Variants in PTPRU observed in about 807,000 individuals in gnomAD.
PTPRU encodes receptor-type tyrosine-protein phosphatase U.
Under a neutral mutation model 166.3 loss-of-function variants are expected in PTPRU, and 69 were observed. The observed-to-expected ratio is 0.41, with a 90% CI of 0.34 to 0.51. PTPRU has a LOEUF of 0.51. PTPRU is among the 20% of genes least tolerant of loss of function. PTPRU has a pLI of 0.09. For synonymous variants in PTPRU, 793 were observed against 814.0 expected (o/e 0.97, Z 0.44); for missense variants, 1,657 against 2,013.7 (o/e 0.82, Z 3.39).
In PTPRU at chr1:29,315,929, T is replaced by C; in HGVS notation, c.3364-73T>C. 6.4e-7 allele frequency: 1 copy of C among 1,551,832 alleles called. No individual in the cohort carries two copies. The highest frequency in any genetic ancestry group is 8.8e-7 in the Non-Finnish European group (1 of 1,139,216). On this transcript the variant is annotated intron_variant, in intron 23 of 29. Transcript: ENST00000373779. The surrounding 1 kb of genome is among the most constrained non-coding windows in gnomAD (Gnocchi z 4.5). ...GGACACCCTGCTTCAACCTTGAGCT[T>C]GCTTAAGCCCCATCACCACAGATCT...
intron 21 of PTPRU, among the ~76,000 whole-genome samples, chr1:29,312,079 G>A (rs1687690578): frequency 6.6e-6 from 1 of 152,228 alleles, no homozygotes; most frequent in Non-Finnish European, 1.5e-5. Flanking sequence ...CCCAGATACA[G>A]AAAGTGAGGC....
intron 1 of PTPRU, among the ~76,000 whole-genome samples, chr1:29,245,958 C>A (rs911725563): frequency 4.6e-5 from 7 of 152,268 alleles, no homozygotes; most frequent in African/African-American, 1.7e-4. Flanking sequence ...CGCATTGCAG[C>A]ACTGCACCGT....
chr1:29,236,768 G>A lies in PTPRU; in HGVS notation c.73+51G>A, dbSNP rs1033610756. 3.7e-6 allele frequency: 5 copies of A among 1,367,956 alleles called. No individual in the cohort carries two copies. The highest frequency in any genetic ancestry group is 1.9e-4 in the Middle Eastern group (1 of 5,334). 84.7% of individuals were successfully genotyped at this position (1,367,956 alleles called of 1,614,324 possible). A position where few individuals can be genotyped will look rare whatever the true frequency, so the allele number is the denominator to read the frequency against. On this transcript the variant is annotated intron_variant, in intron 1 of 29. Transcript: ENST00000373779. The surrounding 1 kb of genome is among the most constrained non-coding windows in gnomAD (Gnocchi z 4.6). ...CCTGCCCCGCCGAGCCTCGGGGCCCGTGGCGTAGCTCGGAAGAAAGTGTGA... is the reference window on the plus strand; with the variant it reads ...CCTGCCCCGCCGAGCCTCGGGGCCCATGGCGTAGCTCGGAAGAAAGTGTGA...
chr1:29,276,401 G>A (rs575278229), intron 8 of PTPRU, among the ~76,000 whole-genome samples: 330 of 151,872 alleles, frequency 2.2e-3, no homozygotes, highest in African/African-American at 7.6e-3. Flanking sequence ...CTGCAGCCTC[G>A]ACCTCCCAGG....
intron 18 of PTPRU, among the ~76,000 whole-genome samples, chr1:29,306,644 A>G (rs1221080035): frequency 6.6e-6 from 1 of 152,148 alleles, no homozygotes; most frequent in African/African-American, 2.4e-5. Context: ...AGGAGAGGGA[A>G]GAGTGTCCCG....
rs1346728345 is a variant in PTPRU at position 29,291,316 on chromosome 1, G to T, written c.2319-553G>T. On this transcript the variant is annotated intron_variant, in intron 14 of 29. Transcript: ENST00000373779. This position sits in a 1 kb window ranked among gnomAD's most constrained non-coding sequence, Gnocchi z 4.1. ...AAGGGTGGAGTTCATTCTGTGCGTGGGGGAAGCCCCCGAGCTCTGGCTGAG... is the reference window on the plus strand; with the variant it reads ...AAGGGTGGAGTTCATTCTGTGCGTGTGGGAAGCCCCCGAGCTCTGGCTGAG... 6.6e-6 allele frequency among the ~76,000 whole-genome samples: 1 copy of T among 152,160 alleles called. No individual in the cohort carries two copies. The highest frequency in any genetic ancestry group is 6.5e-5 in the Admixed American group (1 of 15,286).
rs1445914795 is a variant in PTPRU, at chr1:29,323,656, G to A, written c.3980G>A (p.Arg1327Gln). The stretch of plus-strand genomic sequence containing the variant: ...TTGCAGGAGGGGCACCTGCTGGTGC[G>A]GCACTTCCAGTTCCTGCGCTGGTCT... ...SRLQEGHLLV[R>Q]HFQFLRWSAY... The change falls in exon 28 of 30, where the codon CGG becomes CAG. Residue 1327 changes from arginine (R) to glutamine (Q), a missense_variant. By Grantham distance (43) the Arg-to-Gln change is conservative. Transcript: ENST00000373779. 3.2e-5 allele frequency: 51 copies of A among 1,613,936 alleles called. No individual in the cohort carries two copies. Among genetic ancestry groups the A allele is most frequent in the Non-Finnish European group, 4.1e-5 (48 of 1,179,978 alleles).
In PTPRU at chr1:29,243,174, G is replaced by A. The variant is rs146792856; in HGVS notation, c.73+6457G>A. Among the ~76,000 whole-genome samples, 821 of 152,268 alleles carry A rather than the reference G, an allele frequency of 5.4e-3. 9 individuals are homozygous for A. The highest frequency in any genetic ancestry group is 0.019 in the African/African-American group (792 of 41,552). On this transcript the variant is annotated intron_variant, in intron 1 of 29. Transcript: ENST00000373779. ...GGCCTCCCAAAGTACTGGGATTAGA[G>A]GCATGAGCCCCCGGGCCCGGCCCAG...
Position 29,280,489 on chromosome 1 carries a change from A to G in PTPRU, c.1868+348A>G, listed in dbSNP as rs1686014018. 6.6e-6 allele frequency among the ~76,000 whole-genome samples: 1 copy of G among 152,182 alleles called. No individual in the cohort carries two copies. The highest frequency in any genetic ancestry group is 6.5e-5 in the Admixed American group (1 of 15,284). On this transcript the variant is annotated intron_variant, in intron 11 of 29. Transcript: ENST00000373779. The surrounding 1 kb of genome is among the most constrained non-coding windows in gnomAD (Gnocchi z 4.2). Reference sequence around the variant, plus strand: ...CATCCCAGCCTTTTCCTGGAAGCACAGAGATGGGCTTTCTAGAAGGCTGGG... The same window carrying G: ...CATCCCAGCCTTTTCCTGGAAGCACGGAGATGGGCTTTCTAGAAGGCTGGG...
intron 2 of PTPRU, among the ~76,000 whole-genome samples, chr1:29,256,767 T>C (rs1284850002): frequency 1.3e-5 from 2 of 152,184 alleles, no homozygotes; most frequent in Non-Finnish European, 2.9e-5. Flanking sequence ...AGCCTCAGTC[T>C]GATACATGGT....
chr1:29,259,010 G>T (rs1356566692), intron 3 of PTPRU, among the ~76,000 whole-genome samples: 2 of 152,160 alleles, frequency 1.3e-5, no homozygotes, highest in Non-Finnish European at 2.9e-5. Flanking sequence ...GAACAGTGCT[G>T]ACCTGGAAAC....
In PTPRU at chr1:29,307,132, C is replaced by G. The variant is rs564512646; in HGVS notation, c.2820+1704C>G. 3 of 1,613,314 alleles carry G rather than the reference C, an allele frequency of 1.9e-6. No homozygotes were observed. In the South Asian group the frequency reaches 3.3e-5, roughly 18 times the overall value. ...TTTCCTCACTGGAATCATTAAGATT[C>G]GGATAAACCGAGAAGTAAGTATCTC... On this transcript the variant is annotated intron_variant, in intron 18 of 29. Transcript: ENST00000373779.
intron 1 of PTPRU, among the ~76,000 whole-genome samples, chr1:29,244,343 A>C (rs528653208): frequency 6.6e-6 from 1 of 152,104 alleles, no homozygotes; most frequent in African/African-American, 2.4e-5. Context: ...GGGACAGCTG[A>C]CAGTGAAGGG....
At position 29,271,779 on chromosome 1, in the gene PTPRU, G is replaced by A. The variant is rs6676287; in HGVS notation, c.1145-3669G>A. 0.43 allele frequency among the ~76,000 whole-genome samples: 65,802 copies of A among 152,028 alleles called. 17,180 individuals carry two copies. The highest frequency in any genetic ancestry group is 0.59 in the Non-Finnish European group (39,828 of 67,954). On this transcript the variant is annotated intron_variant, in intron 7 of 29. Coordinates refer to ENST00000373779, the MANE Select transcript of PTPRU (RefSeq NM_133178.4). The surrounding 1 kb of genome is among the most constrained non-coding windows in gnomAD (Gnocchi z 4.4). ...GGTCTTTACCCAGCATACGTCCCCC[G>A]TTTACATGGAACTTCTCCTGCCCTT...
At chr1:29,302,197 CA>C (rs1415780764) in intron 15 of PTPRU, among the ~76,000 whole-genome samples, 1 of 141,340 alleles carries the variant, frequency 7.1e-6, no homozygotes, top group Admixed American at 7.0e-5. Flanking sequence ...TAGTTTTTAA[CA>C]AAAAAAATTT....
rs1384533750 is a variant in PTPRU at position 29,305,379 on chromosome 1, C to T, written c.2771C>T (p.Pro924Leu). 13 of 1,614,006 alleles carry T rather than the reference C, an allele frequency of 8.1e-6. No individual in the cohort carries two copies. Among genetic ancestry groups the T allele is most frequent in the Non-Finnish European group, 1.0e-5 (12 of 1,180,030 alleles). Residue 924 changes from proline to leucine, a missense_variant, in exon 18 of 30, where the codon CCG (proline) becomes CTG (leucine). Physicochemically the swap from Pro to Leu is moderately conservative, Grantham distance 98. Around this residue, in one of 3 missense-constraint regions of PTPRU, gnomAD observed 1,190 missense variants for 1,477.4 expected, o/e 0.81. Transcript: ENST00000373779. ...GATCGGCACCGAGTGAAACTGCACC[C>T]GATGCTGGGAGACCCCAATGCCGAC... ...AYDRHRVKLH[P>L]MLGDPNADYI... is the part of the protein sequence containing the mutation.
intron 11 of PTPRU, among the ~76,000 whole-genome samples, chr1:29,281,106 C>T (rs1174435282): frequency 1.3e-5 from 2 of 152,168 alleles, no homozygotes; most frequent in South Asian, 4.2e-4. Context: ...GAGAGGGTGA[C>T]AGCCTTTAGG....
rs2151970933 is a variant in PTPRU at position 29,320,838 on chromosome 1, C to T, written c.3828+13C>T. ...CAACTCCGCCTGGGTGAGGCCTCCA[C>T]TGGCCAGGCCAATGGGCCGCCTGCT... is the stretch of plus-strand genomic sequence containing the variant. On this transcript the variant is annotated intron_variant, in intron 26 of 29. Transcript: ENST00000373779. The surrounding 1 kb of genome is among the most constrained non-coding windows in gnomAD (Gnocchi z 5.2). 1.3e-6 allele frequency: 2 copies of T among 1,549,822 alleles called. No individual in the cohort carries two copies. The highest frequency in any genetic ancestry group is 1.8e-6 in the Non-Finnish European group (2 of 1,139,680).
chr1:29,302,183 G>A (rs1687166896), intron 15 of PTPRU, among the ~76,000 whole-genome samples: 1 of 149,770 alleles, frequency 6.7e-6, no homozygotes, highest in African/African-American at 2.5e-5. Flanking sequence ...GTGTGTGTGT[G>A]TCTTAGTTTT....
Sources: gnomAD v4.1 joint callset for allele counts (sites outside exome capture counted in the v4.1 genomes callset) on GRCh38, gnomAD v4.1.1 for gene constraint, gnomAD v4.1.1 regional missense constraint, Gnocchi (gnomAD v3.1) non-coding constraint, MANE v1.5 for transcripts, NCBI Gene and HGNC (gene_info 2026-07-23, HGNC 2026-07-21) for gene names.